The following SEMA4B variants were observed in gnomAD, a reference collection of about 807,000 sequenced individuals.
SEMA4B encodes semaphorin 4B.
SEMA4B carries 55 observed loss-of-function variants against 88.1 expected under a neutral mutation model. The ratio of observed to expected loss-of-function variants is 0.62; its 90% CI spans 0.50 to 0.78. SEMA4B has a LOEUF of 0.78. Among genes scored for constraint, SEMA4B ranks in the 30% least tolerant of loss-of-function variants. The pLI is 0.00. For missense variants in SEMA4B, 1,062 were observed against 1,111.9 expected (o/e 0.96, Z 0.64); for synonymous variants, 525 against 473.6 (o/e 1.11, Z -1.41).
At chr15:90,218,079 C>T (rs748123465) in intron 3 of SEMA4B, among the ~76,000 whole-genome samples, 1 of 152,200 alleles carries the variant, frequency 6.6e-6, no homozygotes, top group Non-Finnish European at 1.5e-5. Flanking sequence ...GATCCGGTCT[C>T]ACTGGGCTTA....
At chr15:90,217,342 G>A (rs1961579777) in intron 1 of SEMA4B, 97 bp from the exon 2 acceptor site, 7 of 1,320,982 alleles carry the variant, frequency 5.3e-6, no homozygotes, top group Non-Finnish European at 6.2e-6. Context: ...TTGCCTTGCT[G>A]ATTACCTTCC....
rs2151620110 is a variant in SEMA4B, at chr15:90,221,404, A to G, written c.633A>G (p.Gln211=). The G allele has an allele frequency of 6.3e-7, 1 of 1,577,212 alleles. No individual in the cohort carries two copies. Among genetic ancestry groups the G allele is most frequent in the South Asian group, 1.2e-5 (1 of 85,900 alleles). The change falls in exon 6 of 14, where the codon CAA becomes CAG. Residue 211 remains glutamine, a synonymous_variant. Coordinates refer to ENST00000411539, the MANE Select transcript of SEMA4B (RefSeq NM_198925.4). Reference sequence around the variant, plus strand: ...ACACTGGAACAGTCAGCAGCTTCCAAGGGAATGACCCGGCCATCTCGCGGA... The same window carrying G: ...ACACTGGAACAGTCAGCAGCTTCCAGGGGAATGACCCGGCCATCTCGCGGA... ...ELYTGTVSSF[Q]GNDPAISRSQ... is the part of the protein sequence containing the mutation.
intron 7 of SEMA4B, among the ~76,000 whole-genome samples, chr15:90,222,954 G>GTATATATATATATATATATA (rs5814418): frequency 2.3e-5 from 3 of 130,546 alleles, no homozygotes; most frequent in African/African-American, 9.0e-5. Context: ...GTAACTCTGT[G>GTATATATATATATATATATA]TATATATATA....
chr15:90,206,119 C>T (rs938800616), intron 1 of SEMA4B, among the ~76,000 whole-genome samples: 9 of 152,292 alleles, frequency 5.9e-5, no homozygotes, highest in East Asian at 5.8e-4. Flanking sequence ...GAGGGTGGCA[C>T]GGGGCCTGGA....
chr15:90,217,389 C>T, intron 1 of SEMA4B, 50 bp from the exon 2 acceptor site: 13 of 1,566,604 alleles, frequency 8.3e-6, no homozygotes, highest in Non-Finnish European at 1.1e-5. Context: ...TGTTAAGAGG[C>T]TTCCCATGGG....
upstream of SEMA4B, chr15:90,201,258 A>C: frequency 9.9e-6 from 10 of 1,011,894 alleles, no homozygotes; most frequent in South Asian, 4.7e-5. Context: ...AGCGCCCGGG[A>C]AGGAGGAAGG....
upstream of SEMA4B, among the ~76,000 whole-genome samples, chr15:90,197,033 C>T (rs1312641018): frequency 1.3e-5 from 2 of 152,100 alleles, no homozygotes; most frequent in African/African-American, 4.8e-5. Context: ...ATGTTTATGT[C>T]GTACTTTCCC....
Position 90,228,595 on chromosome 15 carries a change from C to G in SEMA4B, c.2466C>G (p.Pro822=), listed in dbSNP as rs1176057608. Residue 822 remains proline (P), a synonymous_variant, in exon 14 of 14, where the codon CCC becomes CCG. Coordinates refer to ENST00000411539, the MANE Select transcript of SEMA4B (RefSeq NM_198925.4). ...TCGTGGAGGTATCCCCAGTGTGCCC[C>G]CGGCCCCGGGTCCGCCTTGGCTCGG... ...DSFVEVSPVC[P]RPRVRLGSEI... The G allele has an allele frequency of 6.2e-7, 1 of 1,613,502 alleles. No homozygotes were observed. Among genetic ancestry groups the G allele is most frequent in the East Asian group, 2.2e-5 (1 of 44,900 alleles).
intron 1 of SEMA4B, among the ~76,000 whole-genome samples, chr15:90,203,999 T>TA (rs58829384): frequency 0.22 from 33,076 of 152,088 alleles, 4,145 homozygotes; most frequent in East Asian, 0.58. Flanking sequence ...CTCCTACTCT[T>TA]ACCTACGTGC....
intron 1 of SEMA4B, among the ~76,000 whole-genome samples, chr15:90,187,496 G>A (rs1057404631): frequency 2.0e-5 from 3 of 152,310 alleles, no homozygotes; most frequent in Middle Eastern, 3.4e-3. Flanking sequence ...GAAGAGAAGG[G>A]AAGAGAGGGA....
rs992909895 is a variant in SEMA4B at position 90,217,549 on chromosome 15, C to T, written c.268C>T (p.Leu90Phe). ...RTLYVGAREA[L>F]FALSSNLSFL... ...CCTGTACGTGGGTGCTCGAGAGGCC[C>T]TCTTTGCACTCAGTAGCAACCTCAG... is the stretch of plus-strand genomic sequence containing the variant. The change falls in exon 2 of 14, where the codon CTC becomes TTC. Residue 90 changes from leucine (L) to phenylalanine (F), a missense_variant. Physicochemically the swap from Leu to Phe is conservative, Grantham distance 22 (BLOSUM62 0). Transcript: ENST00000411539. The T allele has an allele frequency of 6.2e-7, 1 of 1,614,002 alleles. No individual in the cohort carries two copies. Among genetic ancestry groups the T allele is most frequent in the Non-Finnish European group, 8.5e-7 (1 of 1,179,898 alleles).
Position 90,227,901 on chromosome 15 carries a change from C to G in SEMA4B, c.1775-3C>G. 1 of 1,610,686 alleles carries G rather than the reference C, an allele frequency of 6.2e-7. No individual in the cohort carries two copies. Among genetic ancestry groups the G allele is most frequent in the Non-Finnish European group, 8.5e-7 (1 of 1,179,812 alleles). On this transcript the variant is annotated splice_polypyrimidine_tract_variant and splice_region_variant and intron_variant, in intron 13 of 13. Coordinates refer to ENST00000411539, the MANE Select transcript of SEMA4B (RefSeq NM_198925.4). ...CCCTACCCCATGCCTTTTCTGCCTA[C>G]AGGGGAGAAGCCATGTGAGCAAGTC... is the stretch of plus-strand genomic sequence containing the variant.
chr15:90,212,831 G>A lies in SEMA4B; in HGVS notation c.158-4608G>A, dbSNP rs530806213. The stretch of plus-strand genomic sequence containing the variant: ...CGCAAGTCTCTGTTTCTGAGCTGAT[G>A]CCGTCTGGCTTTGGCCATGAGACCC... On this transcript the variant is annotated intron_variant, in intron 1 of 13. Transcript: ENST00000411539. The surrounding 1 kb of genome is among the most constrained non-coding windows in gnomAD (Gnocchi z 4.0). Among the ~76,000 whole-genome samples, 9 of 152,338 alleles carry A rather than the reference G, an allele frequency of 5.9e-5. No homozygotes were observed. In the South Asian group the frequency reaches 1.9e-3, roughly 32 times the overall value.
rs1429964831 is a variant in SEMA4B at position 90,229,627 on chromosome 15, A to AT, written c.*990dup. The AT allele has an allele frequency of 3.6e-5, 12 of 334,610 alleles. No homozygotes were observed. The highest frequency in any genetic ancestry group is 6.4e-5 in the Non-Finnish European group (11 of 170,562). 20.7% of individuals were successfully genotyped at this position (334,610 alleles called of 1,614,324 possible). On this transcript the variant is annotated 3_prime_UTR_variant, in exon 14 of 14. Coordinates refer to ENST00000411539, the MANE Select transcript of SEMA4B (RefSeq NM_198925.4). ...TTTTTAATAAGATGCACTTTATGTC[A>AT]TTTTTTAATAAAGTCTGAAGAATTA...
intron 9 of SEMA4B, 75 bp downstream of exon 9, chr15:90,224,063 T>C: frequency 6.9e-7 from 1 of 1,454,060 alleles, no homozygotes; most frequent in Non-Finnish European, 9.3e-7. Flanking sequence ...GGAGCAAGGC[T>C]GCCTAGCCTC....
chr15:90,221,419 C>A lies in SEMA4B; in HGVS notation c.648C>A (p.Ala216=). 1 of 1,582,366 alleles carries A rather than the reference C, an allele frequency of 6.3e-7. No individual in the cohort carries two copies. The highest frequency in any genetic ancestry group is 1.2e-5 in the South Asian group (1 of 86,502). Residue 216 remains alanine (A), a synonymous_variant, in exon 6 of 14, where the codon GCC becomes GCA. Transcript: ENST00000411539. Reference sequence around the variant, plus strand: ...GCAGCTTCCAAGGGAATGACCCGGCCATCTCGCGGAGCCAAAGCCTTCGCC... The same window carrying A: ...GCAGCTTCCAAGGGAATGACCCGGCAATCTCGCGGAGCCAAAGCCTTCGCC... ...TVSSFQGNDP[A]ISRSQSLRPT...
In SEMA4B at chr15:90,229,198, G is replaced by A. The variant is rs1359718342; in HGVS notation, c.*555G>A. 3 of 408,572 alleles carry A rather than the reference G, an allele frequency of 7.3e-6. No individual in the cohort carries two copies. The highest frequency in any genetic ancestry group is 2.8e-5 in the Admixed American group (1 of 35,682). The allele number at this position is 408,572 out of a possible 1,614,324, so 25.3% of individuals were successfully genotyped here. On this transcript the variant is annotated 3_prime_UTR_variant, in exon 14 of 14. Coordinates refer to ENST00000411539, the MANE Select transcript of SEMA4B (RefSeq NM_198925.4). The stretch of plus-strand genomic sequence containing the variant: ...AGCCGAGGATGTAGTTGTTGCTGCC[G>A]TCGTCCCACCACCTCAGGGACCAGA...
chr15:90,228,938 A>G lies in SEMA4B; in HGVS notation c.*295A>G. The G allele has an allele frequency of 4.0e-6, 2 of 497,196 alleles. No individual in the cohort carries two copies. The highest frequency in any genetic ancestry group is 4.4e-5 in the South Asian group (2 of 45,352). 30.8% of individuals were successfully genotyped at this position (497,196 alleles called of 1,614,324 possible). On this transcript the variant is annotated 3_prime_UTR_variant, in exon 14 of 14. Coordinates refer to ENST00000411539, the MANE Select transcript of SEMA4B (RefSeq NM_198925.4). ...CCCTTTGTTTAAAAAACAATTCCAA[A>G]TGTGAAACTAGAATGAGAGGGAAGA...
In SEMA4B at chr15:90,188,876, G is replaced by C. The variant is rs1013393355; in HGVS notation, c.-122+3795G>C. Among the ~76,000 whole-genome samples, 5 of 151,966 alleles carry C rather than the reference G, an allele frequency of 3.3e-5. No individual in the cohort carries two copies. The East Asian group carries it at 7.8e-4, about 24-fold the overall frequency. On this transcript the variant is annotated intron_variant, in intron 1 of 14. Coordinates refer to the SEMA4B transcript ENST00000332496. ...GTAGAGACGGGGTTTCACCATGTTA[G>C]CCAGGATGGTCTACGATCTCCTGAC...
Sources: allele counts gnomAD v4.1 joint callset (sites outside exome capture counted in the v4.1 genomes callset), GRCh38; gene constraint gnomAD v4.1.1; non-coding constraint Gnocchi (gnomAD v3.1); transcripts MANE v1.5; gene names NCBI Gene and HGNC (gene_info 2026-07-23, HGNC 2026-07-21).